The following ASZ1 variants were observed in gnomAD, a reference collection of about 807,000 sequenced individuals.
ASZ1 encodes the protein ankyrin repeat, SAM and basic leucine zipper domain containing 1.
A neutral mutation model predicts 61.8 loss-of-function variants in ASZ1; 67 were observed. The observed-to-expected ratio is 1.08, with a 90% CI of 0.89 to 1.33. The LOEUF (loss-of-function observed/expected upper bound fraction) is 1.33, where lower values mean the gene tolerates loss of function less well. Among genes scored for constraint, ASZ1 ranks in the 40% most tolerant of loss-of-function variants. The pLI, the probability that ASZ1 is intolerant of heterozygous loss-of-function variation, is 0.00. For synonymous variants in ASZ1, 193 were observed against 192.7 expected, an observed-to-expected ratio of 1.00 and a Z score of -0.01; for missense variants, 577 against 554.5, an observed-to-expected ratio of 1.04 and a Z score of -0.41.
At chr7:117,379,279 T>C (rs560147795) in intron 10 of ASZ1, among the ~76,000 whole-genome samples, 2 of 150,724 alleles carry the variant, frequency 1.3e-5, no homozygotes, top group African/African-American at 4.8e-5. Context: ...TGTCTTACAG[T>C]TATAAAAGAT....
intron 12 of ASZ1, among the ~76,000 whole-genome samples, chr7:117,366,915 A>T (rs960838731): frequency 6.6e-6 from 1 of 152,250 alleles, no homozygotes; most frequent in East Asian, 1.9e-4. Flanking sequence ...CTATTATAAC[A>T]ATTGGTATAG....
chr7:117,411,204 G>A (rs1341307227), intron 4 of ASZ1, among the ~76,000 whole-genome samples: 1 of 151,642 alleles, frequency 6.6e-6, no homozygotes, highest in Non-Finnish European at 1.5e-5. Context: ...CCAGGTATCT[G>A]AGTAGCAGTA....
chr7:117,399,422 A>G (rs1052841465), intron 4 of ASZ1, among the ~76,000 whole-genome samples: 1 of 152,176 alleles, frequency 6.6e-6, no homozygotes, highest in African/African-American at 2.4e-5. Flanking sequence ...ATCTTCCTAT[A>G]TTGTAAATGC....
At chr7:117,400,553 A>C (rs1796660786) in intron 4 of ASZ1, among the ~76,000 whole-genome samples, 1 of 152,236 alleles carries the variant, frequency 6.6e-6, no homozygotes. Flanking sequence ...ACTCCAACAC[A>C]AAAACTGGAG....
intron 4 of ASZ1, among the ~76,000 whole-genome samples, chr7:117,402,936 C>A (rs1453783320): frequency 7.6e-6 from 1 of 131,192 alleles, no homozygotes; most frequent in Non-Finnish European, 1.6e-5. Context: ...AAAGGTGGGG[C>A]TGCAGTTTGT....
At chr7:117,408,475 A>G (rs1796833548) in intron 4 of ASZ1, among the ~76,000 whole-genome samples, 1 of 152,138 alleles carries the variant, frequency 6.6e-6, no homozygotes, top group Admixed American at 6.5e-5. Flanking sequence ...ACACCCAACC[A>G]TTGCCAAATC....
chr7:117,368,137 G>C, intron 11 of ASZ1: 3 of 588,016 alleles, frequency 5.1e-6, no homozygotes, highest in Non-Finnish European at 6.4e-6. Flanking sequence ...ATGCTGCTCA[G>C]GCTGGTCTCA....
intron 5 of ASZ1, 112 bp from the exon 6 acceptor site, chr7:117,384,972 T>C: frequency 1.0e-6 from 1 of 972,322 alleles, no homozygotes; most frequent in Non-Finnish European, 1.4e-6. Flanking sequence ...CATAGTTAAT[T>C]AATGGAATGA....
intron 12 of ASZ1, among the ~76,000 whole-genome samples, chr7:117,365,352 T>A (rs892552757): frequency 3.3e-5 from 5 of 152,186 alleles, no homozygotes; most frequent in African/African-American, 1.2e-4. Flanking sequence ...TTAACAGGTA[T>A]GCATTATTAA....
chr7:117,392,605 T>C (rs1393757495), intron 4 of ASZ1, among the ~76,000 whole-genome samples: 2 of 152,140 alleles, frequency 1.3e-5, no homozygotes, highest in African/African-American at 4.8e-5. Context: ...GGGAAATCTT[T>C]AGGGTTTTCC....
In ASZ1 at chr7:117,396,600, T is replaced by C. The variant is rs575486529; in HGVS notation, c.441-10791A>G. ...TCCCTAATATTGAACCATTTTTGTA[T>C]AGATGACATGAATCAATCTGATCAC... On this transcript the variant is annotated intron_variant, in intron 4 of 12. Coordinates refer to ENST00000284629, the MANE Select transcript of ASZ1 (RefSeq NM_130768.3). 7.9e-5 allele frequency among the ~76,000 whole-genome samples: 12 copies of C among 152,338 alleles called. No homozygotes were observed. In the South Asian group the frequency reaches 1.7e-3, roughly 21 times the overall value.
intron 12 of ASZ1, 67 bp downstream of exon 12, chr7:117,367,285 G>A (rs1476929589): frequency 8.1e-7 from 1 of 1,229,524 alleles, no homozygotes; most frequent in Non-Finnish European, 1.1e-6. Flanking sequence ...CTGCTTCATT[G>A]TCTAACACCT....
At chr7:117,375,955 T>C (rs573738390) in intron 10 of ASZ1, among the ~76,000 whole-genome samples, 7 of 151,634 alleles carry the variant, frequency 4.6e-5, no homozygotes, top group African/African-American at 1.7e-4. Flanking sequence ...GCAGAAGGAA[T>C]AGTAAGAATA....
chr7:117,382,273 C>T (rs1260059981), intron 7 of ASZ1, 129 bp from the exon 8 acceptor site: 2 of 631,918 alleles, frequency 3.2e-6, no homozygotes, highest in Admixed American at 2.8e-5. Context: ...AATCTGCACA[C>T]CAGACCTATG....
intron 4 of ASZ1, among the ~76,000 whole-genome samples, chr7:117,407,248 A>G (rs1482900419): frequency 6.6e-6 from 1 of 152,186 alleles, no homozygotes; most frequent in Non-Finnish European, 1.5e-5. Context: ...ACCTATACCA[A>G]TATTAGATTA....
At chr7:117,421,638 T>C (rs1797101893) in intron 3 of ASZ1, among the ~76,000 whole-genome samples, 1 of 152,066 alleles carries the variant, frequency 6.6e-6, no homozygotes, top group East Asian at 1.9e-4. Flanking sequence ...AAGAATAAAA[T>C]TGTAGGTATA....
intron 4 of ASZ1, among the ~76,000 whole-genome samples, chr7:117,399,644 C>G (rs1460317387): frequency 2.7e-5 from 4 of 150,920 alleles, no homozygotes; most frequent in Non-Finnish European, 5.9e-5. Context: ...GTGTCCAGAA[C>G]AGGCGAACCT....
At chr7:117,368,086 A>G (rs1287697444) in intron 11 of ASZ1, 1 of 371,170 alleles carries the variant, frequency 2.7e-6, no homozygotes, top group East Asian at 1.6e-4. Flanking sequence ...CATCATGCGC[A>G]GCTAATTTTT....
intron 12 of ASZ1, among the ~76,000 whole-genome samples, chr7:117,366,801 A>G (rs1315554840): frequency 6.6e-6 from 1 of 152,158 alleles, no homozygotes; most frequent in East Asian, 1.9e-4. Context: ...AGAACCAATA[A>G]ATACTTCATT....
Sources: allele counts gnomAD v4.1 joint callset (sites outside exome capture counted in the v4.1 genomes callset), GRCh38; gene constraint gnomAD v4.1.1; transcripts MANE v1.5; gene names NCBI Gene and HGNC (gene_info 2026-07-23, HGNC 2026-07-21).